NXPH1: variants seen among roughly 807,000 people sequenced by gnomAD.
NXPH1 encodes neurexophilin 1.
Under a neutral mutation model 23.7 loss-of-function variants are expected in NXPH1, and 5 were observed. That is an observed-to-expected ratio of 0.21 (90% confidence interval 0.11 to 0.44). The LOEUF (loss-of-function observed/expected upper bound fraction) is 0.44. Among genes scored for constraint, NXPH1 ranks in the 20% least tolerant of loss-of-function variants. The pLI is 0.99. For missense variants in NXPH1, 324 were observed against 321.6 expected (o/e 1.01, Z -0.06); for synonymous variants, 144 against 122.2 (o/e 1.18, Z -1.18).
chr7:8,653,228 T>G (rs1355921622), intron 2 of NXPH1, among the ~76,000 whole-genome samples: 1 of 152,172 alleles, frequency 6.6e-6, no homozygotes, highest in Non-Finnish European at 1.5e-5. Flanking sequence ...ACTATCACTC[T>G]TTTTAAAAAT....
chr7:8,707,582 C>T (rs1273610683), intron 2 of NXPH1, among the ~76,000 whole-genome samples: 3 of 151,946 alleles, frequency 2.0e-5, no homozygotes, highest in Non-Finnish European at 2.9e-5. Context: ...CATTGAATGG[C>T]AATGAGTATA....
intron 2 of NXPH1, among the ~76,000 whole-genome samples, chr7:8,579,840 C>A (rs925551940): frequency 2.0e-5 from 3 of 152,170 alleles, no homozygotes; most frequent in Non-Finnish European, 4.4e-5. Flanking sequence ...CCAGCTATAG[C>A]CATCCCTATT....
At chr7:8,474,456 T>C (rs1183341228) in intron 2 of NXPH1, among the ~76,000 whole-genome samples, 1 of 152,160 alleles carries the variant, frequency 6.6e-6, no homozygotes, top group Non-Finnish European at 1.5e-5. Flanking sequence ...AATAGACTCA[T>C]GCTACCATTT....
At chr7:8,533,878 T>A (rs1425016108) in intron 2 of NXPH1, among the ~76,000 whole-genome samples, 1 of 152,100 alleles carries the variant, frequency 6.6e-6, no homozygotes, top group African/African-American at 2.4e-5. Context: ...GGGAATATTT[T>A]GAAATTCTTT....
At chr7:8,492,116 A>G (rs974738575) in intron 2 of NXPH1, among the ~76,000 whole-genome samples, 2 of 152,082 alleles carry the variant, frequency 1.3e-5, no homozygotes, top group African/African-American at 4.8e-5. Flanking sequence ...GAGCTGATCT[A>G]TAATTTGATT....
rs527915657 is a variant in NXPH1, at chr7:8,463,067, A to G, written c.54+27300A>G. ...CCAGAAAATTCTTTACTTTTTAAGT[A>G]AACATTGGAATTTACTGACAAATAT... On this transcript the variant is annotated intron_variant, in intron 2 of 2. Transcript: ENST00000405863. Among the ~76,000 whole-genome samples the G allele has an allele frequency of 3.9e-5, 6 of 152,356 alleles. No individual in the cohort carries two copies. In the South Asian group the frequency reaches 1.2e-3, roughly 32 times the overall value.
chr7:8,464,296 C>T (rs924535285), intron 2 of NXPH1, among the ~76,000 whole-genome samples: 4 of 152,144 alleles, frequency 2.6e-5, no homozygotes, highest in Non-Finnish European at 5.9e-5. Flanking sequence ...TTGCCACTTC[C>T]ATCTATCATT....
At chr7:8,747,067 T>C (rs1266826506) in intron 2 of NXPH1, among the ~76,000 whole-genome samples, 1 of 152,136 alleles carries the variant, frequency 6.6e-6, no homozygotes, top group Non-Finnish European at 1.5e-5. Flanking sequence ...TCCTTAGTAA[T>C]TTGAATGGAG....
In NXPH1 at chr7:8,751,472, C is replaced by T. The variant is rs202131987; in HGVS notation, c.519C>T (p.Ile173=). ...TCAGCTTGGTACCCCCTACAAAAAT[C>T]GTGGAATTTGACTTGGCACAACAAA... ...VSVSLVPPTK[I]VEFDLAQQTV... The change falls in exon 3 of 3, where the codon ATC becomes ATT. Residue 173 remains isoleucine, a synonymous_variant. Coordinates refer to ENST00000405863, the MANE Select transcript of NXPH1 (RefSeq NM_152745.3). This position sits in a 1 kb window ranked among gnomAD's most constrained non-coding sequence, Gnocchi z 4.5. 3.5e-5 allele frequency: 57 copies of T among 1,613,738 alleles called. No homozygotes were observed. In the African/African-American group the frequency reaches 7.1e-4, roughly 20 times the overall value.
chr7:8,749,341 G>A (rs1014829931), intron 2 of NXPH1, among the ~76,000 whole-genome samples: 2 of 152,144 alleles, frequency 1.3e-5, no homozygotes, highest in Non-Finnish European at 2.9e-5. Context: ...CTTGACCAGG[G>A]GCACACAGCT....
chr7:8,604,120 G>T (rs1479430909), intron 2 of NXPH1, among the ~76,000 whole-genome samples: 2 of 152,040 alleles, frequency 1.3e-5, no homozygotes, highest in African/African-American at 2.4e-5. Flanking sequence ...AGACTAAGCT[G>T]GTAGCTGCCC....
intron 2 of NXPH1, among the ~76,000 whole-genome samples, chr7:8,669,758 T>G (rs1820837625): frequency 6.6e-6 from 1 of 152,170 alleles, no homozygotes; most frequent in Non-Finnish European, 1.5e-5. Context: ...TTTCTCCCCA[T>G]GCTGTGCTGC....
At chr7:8,668,751 G>T (rs1047765794) in intron 2 of NXPH1, among the ~76,000 whole-genome samples, 1 of 152,074 alleles carries the variant, frequency 6.6e-6, no homozygotes, top group Non-Finnish European at 1.5e-5. Flanking sequence ...TGCTGCAGCA[G>T]GCCTGAAGCT....
intron 2 of NXPH1, among the ~76,000 whole-genome samples, chr7:8,527,075 T>G (rs1817873167): frequency 6.6e-6 from 1 of 152,214 alleles, no homozygotes; most frequent in South Asian, 2.1e-4. Flanking sequence ...AGAATTTTCC[T>G]ATTAATTGGT....
chr7:8,570,710 G>C (rs547772220), intron 2 of NXPH1, among the ~76,000 whole-genome samples: 1 of 151,920 alleles, frequency 6.6e-6, no homozygotes, highest in African/African-American at 2.4e-5. Context: ...ATGTACAAAG[G>C]TCTGGAAGTG....
chr7:8,509,817 C>T (rs1357812128), intron 2 of NXPH1, among the ~76,000 whole-genome samples: 1 of 152,148 alleles, frequency 6.6e-6, no homozygotes, highest in Non-Finnish European at 1.5e-5. Flanking sequence ...AATGTCTCAT[C>T]AATGCCTTTG....
intron 2 of NXPH1, among the ~76,000 whole-genome samples, chr7:8,676,789 A>T (rs1445481262): frequency 6.6e-6 from 1 of 152,158 alleles, no homozygotes; most frequent in East Asian, 1.9e-4. Flanking sequence ...GAGAAAACAT[A>T]CTGTTTGGGA....
At chr7:8,521,559 T>C (rs964137612) in intron 2 of NXPH1, among the ~76,000 whole-genome samples, 1 of 152,134 alleles carries the variant, frequency 6.6e-6, no homozygotes, top group African/African-American at 2.4e-5. Flanking sequence ...CATTGCCAGA[T>C]GGAGGGAGCT....
chr7:8,671,136 C>G (rs775305842), intron 2 of NXPH1, among the ~76,000 whole-genome samples: 4 of 152,114 alleles, frequency 2.6e-5, no homozygotes, highest in Non-Finnish European at 4.4e-5. Context: ...TACTTCTGTA[C>G]AAATAGTTAA....
Sources: gnomAD v4.1 joint callset for allele counts (sites outside exome capture counted in the v4.1 genomes callset) on GRCh38, gnomAD v4.1.1 for gene constraint, Gnocchi (gnomAD v3.1) non-coding constraint, MANE v1.5 for transcripts, NCBI Gene and HGNC (gene_info 2026-07-23, HGNC 2026-07-21) for gene names.